The following LHFPL3 variants were observed in gnomAD, a reference collection of about 807,000 sequenced individuals.
The protein encoded by LHFPL3 is LHFPL tetraspan subfamily member 3.
A neutral mutation model predicts 19.3 loss-of-function variants in LHFPL3; 5 were observed. The observed-to-expected ratio is 0.26, with a 90% CI of 0.14 to 0.54. LHFPL3 has a LOEUF of 0.54. Among genes scored for constraint, LHFPL3 ranks in the 20% least tolerant of loss-of-function variants. The pLI is 0.94. For missense variants in LHFPL3, 249 were observed against 307.4 expected (o/e 0.81, Z 1.42); for synonymous variants, 133 against 126.2 (o/e 1.05, Z -0.36).
rs1239964594 is a variant in LHFPL3 at position 104,736,768 on chromosome 7, C to T, written c.539C>T (p.Thr180Ile). 6.2e-7 allele frequency: 1 copy of T among 1,613,694 alleles called. No homozygotes were observed. Among genetic ancestry groups the T allele is most frequent in the East Asian group, 2.2e-5 (1 of 44,868 alleles). Residue 180 changes from threonine (T) to isoleucine (I), a missense_variant, in exon 2 of 3, where the codon ACT becomes ATT. Coordinates refer to ENST00000424859, the MANE Select transcript of LHFPL3 (RefSeq NM_199000.3). The stretch of plus-strand genomic sequence containing the variant: ...TGTGGAGAAAAGACAGACAAGTACA[C>T]TCTTGGGGCTTGCTCAGTCCGCTGG... ...RMCGEKTDKYTLGACSVRWAY... is the reference protein window; with the variant it reads ...RMCGEKTDKYILGACSVRWAY...
chr7:104,431,692 A>G (rs991247812), intron 1 of LHFPL3, among the ~76,000 whole-genome samples: 3 of 152,216 alleles, frequency 2.0e-5, no homozygotes, highest in Non-Finnish European at 4.4e-5. Flanking sequence ...AATTTGTTGG[A>G]TATAAATATG....
chr7:104,561,213 C>T (rs967397579), intron 1 of LHFPL3, among the ~76,000 whole-genome samples: 3 of 150,518 alleles, frequency 2.0e-5, no homozygotes, highest in African/African-American at 2.5e-5. Context: ...TGTTGCAGAG[C>T]TGAGTTCAAT....
intron 1 of LHFPL3, among the ~76,000 whole-genome samples, chr7:104,458,073 C>T (rs951943686): frequency 6.6e-6 from 1 of 151,196 alleles, no homozygotes; most frequent in Admixed American, 6.6e-5. Flanking sequence ...GTTGCCTGTT[C>T]ACTCTGATGG....
intron 1 of LHFPL3, among the ~76,000 whole-genome samples, chr7:104,411,154 G>A (rs1251032340): frequency 3.9e-5 from 6 of 152,162 alleles, no homozygotes; most frequent in African/African-American, 1.4e-4. Flanking sequence ...ACTGCTCTCT[G>A]CTTGCTGGCA....
chr7:104,669,116 C>T lies in LHFPL3; in HGVS notation c.446-67559C>T, dbSNP rs1307772691. 4.3e-6 allele frequency: 7 copies of T among 1,612,818 alleles called. No homozygotes were observed. In the East Asian group the frequency reaches 1.6e-4, roughly 36 times the overall value. On this transcript the variant is annotated intron_variant, in intron 1 of 2. Transcript: ENST00000424859. Reference sequence around the variant, plus strand: ...CTCAATAAGGAGGAAGATTGCCACTCTCCAACTTCTAAACCTCCCAAACCT... The same window carrying T: ...CTCAATAAGGAGGAAGATTGCCACTTTCCAACTTCTAAACCTCCCAAACCT...
At chr7:104,673,641 G>T (rs999448443) in intron 1 of LHFPL3, among the ~76,000 whole-genome samples, 1 of 152,172 alleles carries the variant, frequency 6.6e-6, no homozygotes, top group African/African-American at 2.4e-5. Context: ...TGCAAGTATG[G>T]AACAATGAGA....
At chr7:104,858,871 AT>A (rs1791560300) in intron 2 of LHFPL3, among the ~76,000 whole-genome samples, 1 of 151,880 alleles carries the variant, frequency 6.6e-6, no homozygotes, top group South Asian at 2.1e-4. Flanking sequence ...AAATGTGTTT[AT>A]CCTATAACAG....
chr7:104,340,853 T>A (rs1361068108), intron 1 of LHFPL3, among the ~76,000 whole-genome samples: 1 of 152,194 alleles, frequency 6.6e-6, no homozygotes, highest in Non-Finnish European at 1.5e-5. Context: ...TAGGAATGTA[T>A]TTTGGAAATC....
intron 2 of LHFPL3, among the ~76,000 whole-genome samples, chr7:104,828,938 G>A (rs1265902858): frequency 6.6e-6 from 1 of 152,008 alleles, no homozygotes; most frequent in Admixed American, 6.5e-5. Context: ...GGGAGGCTGG[G>A]GTGGGAGAAT....
chr7:104,515,562 T>C (rs1793904794), intron 1 of LHFPL3, among the ~76,000 whole-genome samples: 1 of 152,152 alleles, frequency 6.6e-6, no homozygotes, highest in Non-Finnish European at 1.5e-5. Context: ...AGTTGTATTA[T>C]TTTTTGCTGT....
At chr7:104,821,201 G>A (rs1351525296) in intron 2 of LHFPL3, among the ~76,000 whole-genome samples, 1 of 152,140 alleles carries the variant, frequency 6.6e-6, no homozygotes, top group African/African-American at 2.4e-5. Flanking sequence ...CTATTTCATG[G>A]GTTTTCACAA....
At chr7:104,839,124 C>T (rs941891558) in intron 2 of LHFPL3, among the ~76,000 whole-genome samples, 2 of 152,096 alleles carry the variant, frequency 1.3e-5, no homozygotes, top group African/African-American at 2.4e-5. Flanking sequence ...ACAGTGAGAC[C>T]GTCAAGGAGA....
chr7:104,565,749 ATCTATCTATCTATCTATCTATCTAATCT>A (rs1344255759), intron 1 of LHFPL3, among the ~76,000 whole-genome samples: 2 of 150,200 alleles, frequency 1.3e-5, no homozygotes, highest in African/African-American at 4.9e-5. Context: ...CTATCTATCT[ATCTATCTATCTATCTATCTATCTAATCT>A]ATCTATCTGT....
chr7:104,590,560 G>A (rs1234360613), intron 1 of LHFPL3, among the ~76,000 whole-genome samples: 1 of 152,174 alleles, frequency 6.6e-6, no homozygotes, highest in Non-Finnish European at 1.5e-5. Context: ...GAATAAGTGT[G>A]ATGTGGTGCT....
At chr7:104,824,744 TACTC>T (rs1319636444) in intron 2 of LHFPL3, among the ~76,000 whole-genome samples, 27 of 81,280 alleles carry the variant, frequency 3.3e-4, no homozygotes, top group Non-Finnish European at 5.6e-4. Flanking sequence ...ACAGAAGTCT[TACTC>T]ATATATTATA....
chr7:104,863,429 C>T (rs1484902611), intron 2 of LHFPL3, among the ~76,000 whole-genome samples: 2 of 152,136 alleles, frequency 1.3e-5, no homozygotes, highest in Non-Finnish European at 2.9e-5. Flanking sequence ...TTTCCCATGT[C>T]ATTTGTCAAA....
intron 2 of LHFPL3, among the ~76,000 whole-genome samples, chr7:104,788,973 A>C (rs943648052): frequency 6.6e-6 from 1 of 152,232 alleles, no homozygotes; most frequent in Non-Finnish European, 1.5e-5. Flanking sequence ...CAGCAAGCCT[A>C]TCTTTCCACT....
intron 1 of LHFPL3, among the ~76,000 whole-genome samples, chr7:104,638,463 G>A (rs1288920111): frequency 1.3e-5 from 2 of 151,862 alleles, no homozygotes; most frequent in Non-Finnish European, 2.9e-5. Flanking sequence ...TCCTTGTCTT[G>A]TGCCAGTTTT....
At chr7:104,459,433 A>G (rs993354595) in intron 1 of LHFPL3, among the ~76,000 whole-genome samples, 9 of 152,214 alleles carry the variant, frequency 5.9e-5, no homozygotes, top group Middle Eastern at 3.2e-3. Context: ...AGTCAAGATA[A>G]TAAGATACAT....
Sources: allele counts gnomAD v4.1 joint callset (sites outside exome capture counted in the v4.1 genomes callset), GRCh38; gene constraint gnomAD v4.1.1; transcripts MANE v1.5; gene names NCBI Gene and HGNC (gene_info 2026-07-23, HGNC 2026-07-21).